Variants in ESR2 observed in about 807,000 individuals in gnomAD.
ESR2 encodes the protein estrogen receptor 2, also known as estrogen receptor beta.
In ESR2, 36 loss-of-function variants were observed where a neutral mutation model predicts 49.6. The ratio of observed to expected loss-of-function variants is 0.73; its 90% CI spans 0.56 to 0.96. The LOEUF (loss-of-function observed/expected upper bound fraction) is 0.96, where lower values mean the gene tolerates loss of function less well. Ranked by LOEUF, ESR2 falls within the 40% of genes least tolerant of loss-of-function variation. The pLI is 0.00. For missense variants in ESR2, 714 were observed against 693.0 expected, an observed-to-expected ratio of 1.03 and a Z score of -0.34; for synonymous variants, 320 against 266.1, an observed-to-expected ratio of 1.20 and a Z score of -1.97.
chr14:64,321,441 T>C (rs1181245077), intron 1 of ESR2, among the ~76,000 whole-genome samples: 1 of 152,168 alleles, frequency 6.6e-6, no homozygotes, highest in African/African-American at 2.4e-5. Flanking sequence ...TTTTATGGCA[T>C]GTAAATATCC....
At chr14:64,263,700 C>T (rs1057044670) in intron 4 of ESR2, among the ~76,000 whole-genome samples, 2 of 151,772 alleles carry the variant, frequency 1.3e-5, no homozygotes, top group African/African-American at 4.8e-5. Context: ...ACACAGCCTC[C>T]AAACACAATA....
intron 1 of ESR2, chr14:64,330,908 G>C (rs2077448150): frequency 6.9e-6 from 1 of 145,272 alleles, no homozygotes; most frequent in East Asian, 2.0e-4. Flanking sequence ...CTGGGTGACA[G>C]AGGAGGACTC....
At chr14:64,248,496 A>G (rs1356362685) in intron 7 of ESR2, among the ~76,000 whole-genome samples, 4 of 133,834 alleles carry the variant, frequency 3.0e-5, no homozygotes, top group Non-Finnish European at 6.2e-5. Flanking sequence ...GCAGAGCAAG[A>G]TCCTGTCTCA....
rs1276846391 is a variant in ESR2, at chr14:64,273,872, G to C, written c.536-4961C>G. On this transcript the variant is annotated intron_variant, in intron 3 of 8. Coordinates refer to ENST00000341099, the MANE Select transcript of ESR2 (RefSeq NM_001437.3). ...AATTGTTTGAATAGGATTGGCATTA[G>C]TTCTTCTTTAAATGTTTGGTAAAAT... 2.7e-5 allele frequency among the ~76,000 whole-genome samples: 4 copies of C among 150,182 alleles called. No individual in the cohort carries two copies. The East Asian group carries it at 7.8e-4, about 29-fold the overall frequency.
At position 64,240,877 on chromosome 14, in the gene ESR2, G is replaced by A. The variant is rs910277835; in HGVS notation, c.1226-5727C>T. 4.6e-5 allele frequency among the ~76,000 whole-genome samples: 7 copies of A among 152,006 alleles called. No individual in the cohort carries two copies. In the South Asian group the frequency reaches 1.5e-3, roughly 32 times the overall value. ...TAGGCTAGGCTGGCCGGGCGCGGTG[G>A]CTCACGCTTGTAATCCCAGCACTTT... On this transcript the variant is annotated intron_variant, in intron 7 of 8. Transcript: ENST00000341099.
chr14:64,230,559 A>C lies in ESR2; in HGVS notation c.*2578T>G, dbSNP rs1453539298. On this transcript the variant is annotated 3_prime_UTR_variant, in exon 9 of 9. Transcript: ENST00000341099. ...ATTTTTAATGCAGTTGAGTCTTCAGATTTGTGACTAGGCTGACAGCTTTGT... is the reference window on the plus strand; with the variant it reads ...ATTTTTAATGCAGTTGAGTCTTCAGCTTTGTGACTAGGCTGACAGCTTTGT... 2.0e-5 allele frequency among the ~76,000 whole-genome samples: 3 copies of C among 151,988 alleles called. No individual in the cohort carries two copies. Among genetic ancestry groups the C allele is most frequent in the Non-Finnish European group, 4.4e-5 (3 of 68,018 alleles).
chr14:64,332,564 G>C (rs1415612224), intron 1 of ESR2, among the ~76,000 whole-genome samples: 1 of 152,062 alleles, frequency 6.6e-6, no homozygotes, highest in Non-Finnish European at 1.5e-5. Flanking sequence ...ACTTTGGGAG[G>C]CCGAGGTGGG....
Position 64,273,762 on chromosome 14 carries a change from A to C in ESR2, c.536-4851T>G, listed in dbSNP as rs142574857. 4.3e-3 allele frequency among the ~76,000 whole-genome samples: 655 copies of C among 152,032 alleles called. 6 individuals carry two copies. The highest frequency in any genetic ancestry group is 0.015 in the African/African-American group (618 of 41,464). ...GATATTGGTCTGTCATATTCTTTTG[A>C]TGTTTCTTTGGTTCTGGTATCACGG... On this transcript the variant is annotated intron_variant, in intron 3 of 8. Transcript: ENST00000341099.
chr14:64,264,568 G>C (rs1238964074), intron 4 of ESR2, among the ~76,000 whole-genome samples: 2 of 152,084 alleles, frequency 1.3e-5, no homozygotes, highest in East Asian at 3.8e-4. Context: ...AAAATGTATA[G>C]TTTTAAAAAG....
intron 4 of ESR2, among the ~76,000 whole-genome samples, chr14:64,265,386 C>T (rs2076308265): frequency 6.6e-6 from 1 of 152,212 alleles, no homozygotes; most frequent in Non-Finnish European, 1.5e-5. Context: ...GGAACTATTA[C>T]TGTCTCCAAT....
intron 1 of ESR2, among the ~76,000 whole-genome samples, chr14:64,314,826 C>T (rs1457256335): frequency 1.6e-5 from 2 of 125,924 alleles, no homozygotes; most frequent in African/African-American, 3.1e-5. Flanking sequence ...TGCAGTGAGC[C>T]GAGATCACAC....
intron 7 of ESR2, among the ~76,000 whole-genome samples, chr14:64,238,308 T>C (rs1179036672): frequency 1.3e-5 from 2 of 152,150 alleles, no homozygotes; most frequent in African/African-American, 4.8e-5. Flanking sequence ...GGTGAGGCAC[T>C]GCAGTTGTGG....
intron 2 of ESR2, 127 bp downstream of exon 2, chr14:64,282,497 G>T: frequency 1.0e-6 from 1 of 994,108 alleles, no homozygotes; most frequent in Non-Finnish European, 1.5e-6. Context: ...TGTTTTGGGT[G>T]CTGTAAGTAA....
At chr14:64,321,917 A>G (rs914017330) in intron 1 of ESR2, among the ~76,000 whole-genome samples, 2 of 152,168 alleles carry the variant, frequency 1.3e-5, no homozygotes, top group African/African-American at 4.8e-5. Flanking sequence ...CAGACATGGG[A>G]GAGAGGGGAC....
At chr14:64,257,028 A>C (rs1424474201) in intron 6 of ESR2, among the ~76,000 whole-genome samples, 198 bp downstream of exon 6, 1 of 152,102 alleles carries the variant, frequency 6.6e-6, no homozygotes, top group Non-Finnish European at 1.5e-5. Flanking sequence ...ACAGATTAAA[A>C]ATGAGTCACA....
At chr14:64,312,939 C>T (rs933246385) in intron 1 of ESR2, among the ~76,000 whole-genome samples, 2 of 151,560 alleles carry the variant, frequency 1.3e-5, no homozygotes, top group Admixed American at 1.3e-4. Context: ...AAATAAATAC[C>T]CCAGTTAAAA....
At chr14:64,245,472 A>G (rs2075831355) in intron 7 of ESR2, among the ~76,000 whole-genome samples, 1 of 131,624 alleles carries the variant, frequency 7.6e-6, no homozygotes, top group South Asian at 2.5e-4. Flanking sequence ...AGATCGCACC[A>G]TTGCACTCCA....
intron 6 of ESR2, among the ~76,000 whole-genome samples, chr14:64,253,602 G>GTGTGTA (rs2076036124): frequency 8.2e-6 from 1 of 122,102 alleles, no homozygotes; most frequent in Non-Finnish European, 1.8e-5. Flanking sequence ...GTGTGTGTGT[G>GTGTGTA]TGTATGTATG....
At chr14:64,256,482 G>A (rs546320876) in intron 6 of ESR2, among the ~76,000 whole-genome samples, 17 of 152,152 alleles carry the variant, frequency 1.1e-4, no homozygotes, top group African/African-American at 3.4e-4. Context: ...TAATCCCAGC[G>A]CTTTGGGAAG....
Sources: allele counts gnomAD v4.1 joint callset (sites outside exome capture counted in the v4.1 genomes callset), GRCh38; gene constraint gnomAD v4.1.1; transcripts MANE v1.5; gene names NCBI Gene and HGNC (gene_info 2026-07-23, HGNC 2026-07-21).